Variants in ARHGAP5 observed in about 807,000 individuals in gnomAD.
ARHGAP5 encodes the protein rho GTPase-activating protein 5.
A neutral mutation model predicts 116.6 loss-of-function variants in ARHGAP5; 23 were observed. The ratio of observed to expected loss-of-function variants is 0.20; its 90% CI spans 0.14 to 0.28. The LOEUF is 0.28. Ranked by LOEUF, ARHGAP5 falls within the 10% of genes least tolerant of loss-of-function variation. ARHGAP5 has a pLI of 1.00. For synonymous variants in ARHGAP5, 574 were observed against 602.0 expected (o/e 0.95, Z 0.68); for missense variants, 1,405 against 1,774.8 (o/e 0.79, Z 3.74).
At chr14:32,120,047 T>G (rs1281888043) in intron 3 of ARHGAP5, among the ~76,000 whole-genome samples, 1 of 152,104 alleles carries the variant, frequency 6.6e-6, no homozygotes, top group Non-Finnish European at 1.5e-5. Flanking sequence ...TTTCTTTAAT[T>G]TTAGTAGAAT....
At chr14:32,140,094 GTTCTTTTTT>G (rs1881034885) in intron 3 of ARHGAP5, among the ~76,000 whole-genome samples, 1 of 32,450 alleles carries the variant, frequency 3.1e-5, no homozygotes, top group Non-Finnish European at 5.6e-5. Flanking sequence ...TAGGTTATTT[GTTCTTTTTT>G]TTTTTTTTTT....
chr14:32,103,411 C>T (rs1013223319), intron 2 of ARHGAP5, among the ~76,000 whole-genome samples: 64 of 152,104 alleles, frequency 4.2e-4, no homozygotes, highest in African/African-American at 1.4e-3. Context: ...CATACATTTT[C>T]GCTAATTTAA....
At chr14:32,119,741 C>T (rs772610902) in intron 3 of ARHGAP5, among the ~76,000 whole-genome samples, 50 of 152,092 alleles carry the variant, frequency 3.3e-4, no homozygotes, top group Non-Finnish European at 1.8e-4. Context: ...TGGTTTTCTG[C>T]ATCTGTTGAG....
At position 32,130,123 on chromosome 14, in the gene ARHGAP5, A is replaced by G. The variant is rs17091615; in HGVS notation, c.3865+12836A>G. On this transcript the variant is annotated intron_variant, in intron 3 of 6. Transcript: ENST00000345122. ...TGTAATAAAATATATATATATGACCACATATCTTAAGCAGCTTAAGTGATC... is the reference window on the plus strand; with the variant it reads ...TGTAATAAAATATATATATATGACCGCATATCTTAAGCAGCTTAAGTGATC... Among the ~76,000 whole-genome samples the G allele has an allele frequency of 8.8e-3, 1,337 of 151,332 alleles. 14 individuals are homozygous for G. Among genetic ancestry groups the G allele is most frequent in the African/African-American group, 0.03 (1,240 of 41,272 alleles).
chr14:32,096,183 G>C (rs935461056), intron 2 of ARHGAP5, among the ~76,000 whole-genome samples: 3 of 151,894 alleles, frequency 2.0e-5, no homozygotes, highest in Non-Finnish European at 4.4e-5. Flanking sequence ...GGAGATAGTG[G>C]ACTCTTTTTG....
intron 5 of ARHGAP5, among the ~76,000 whole-genome samples, chr14:32,151,385 G>A (rs1290572968): frequency 1.3e-5 from 2 of 152,200 alleles, no homozygotes; most frequent in African/African-American, 4.8e-5. Flanking sequence ...TTTCATAATT[G>A]CATAGATTTG....
intron 3 of ARHGAP5, among the ~76,000 whole-genome samples, chr14:32,143,230 G>GTTATTA (rs1410461691): frequency 1.3e-4 from 19 of 149,660 alleles, no homozygotes; most frequent in African/African-American, 4.8e-4. Context: ...TGTTGTTGTT[G>GTTATTA]TTGTTGTTGT....
chr14:32,082,057 C>A (rs948566233), intron 1 of ARHGAP5, among the ~76,000 whole-genome samples: 1 of 152,162 alleles, frequency 6.6e-6, no homozygotes, highest in African/African-American at 2.4e-5. Flanking sequence ...TCTTGATCCT[C>A]TGAGAATCTA....
Position 32,156,482 on chromosome 14 carries a change from T to C in ARHGAP5, c.*1534T>C, listed in dbSNP as rs1881898063. On this transcript the variant is annotated 3_prime_UTR_variant, in exon 7 of 7. Transcript: ENST00000345122. ...CAATTTTAACTTCAGAACCAAGATGTTGGCATGAACCAGGCTGCTGTTGAA... is the reference window on the plus strand; with the variant it reads ...CAATTTTAACTTCAGAACCAAGATGCTGGCATGAACCAGGCTGCTGTTGAA... The C allele has an allele frequency of 6.6e-6, 1 of 152,368 alleles. No homozygotes were observed. Among genetic ancestry groups the C allele is most frequent in the Non-Finnish European group, 1.5e-5 (1 of 67,812 alleles). 9.4% of individuals were successfully genotyped at this position (152,368 alleles called of 1,614,324 possible).
chr14:32,097,042 C>T (rs1878559076), intron 2 of ARHGAP5, among the ~76,000 whole-genome samples: 1 of 152,148 alleles, frequency 6.6e-6, no homozygotes, highest in Non-Finnish European at 1.5e-5. Flanking sequence ...AGTCTGCTTA[C>T]AATCATTGTT....
chr14:32,133,785 A>G (rs550825000), intron 3 of ARHGAP5, among the ~76,000 whole-genome samples: 1 of 152,306 alleles, frequency 6.6e-6, no homozygotes, highest in South Asian at 2.1e-4. Context: ...GAGAGTTTTT[A>G]GCATGAAGGG....
rs1881808941 is a variant in ARHGAP5 at position 32,154,642 on chromosome 14, C to T, written c.4203C>T (p.Ile1401=). 6.2e-7 allele frequency: 1 copy of T among 1,607,052 alleles called. No homozygotes were observed. Among genetic ancestry groups the T allele is most frequent in the African/African-American group, 1.3e-5 (1 of 74,756 alleles). The part of the protein sequence containing the change: ...HLNRVSQQHK[I]NLMTADNLSI... ...TCAGGGTTAGTCAGCAACATAAAAT[C>T]AACCTAATGACAGCAGACAACTTAT... Residue 1401 remains isoleucine, a synonymous_variant, in exon 7 of 7, where the codon ATC becomes ATT. Transcript: ENST00000345122.
At chr14:32,134,725 A>G (rs1880694389) in intron 3 of ARHGAP5, among the ~76,000 whole-genome samples, 1 of 152,252 alleles carries the variant, frequency 6.6e-6, no homozygotes, top group Non-Finnish European at 1.5e-5. Flanking sequence ...AAATAAAAAT[A>G]TCATCACAAT....
chr14:32,121,775 T>A (rs751556741), intron 3 of ARHGAP5, among the ~76,000 whole-genome samples: 4 of 152,196 alleles, frequency 2.6e-5, no homozygotes, highest in Non-Finnish European at 4.4e-5. Flanking sequence ...CACCCCCCCA[T>A]CAACTTTCTG....
intron 3 of ARHGAP5, among the ~76,000 whole-genome samples, chr14:32,137,723 A>G (rs1880881269): frequency 6.6e-6 from 1 of 152,140 alleles, no homozygotes; most frequent in Non-Finnish European, 1.5e-5. Context: ...CTGTAATCCC[A>G]GCACTCTGGG....
At chr14:32,079,323 A>G (rs533484969) in intron 1 of ARHGAP5, among the ~76,000 whole-genome samples, 74 of 152,318 alleles carry the variant, frequency 4.9e-4, no homozygotes, top group Middle Eastern at 3.4e-3. Context: ...GGTGGGTTAC[A>G]CTTTGATGTA....
chr14:32,118,234 C>T lies in ARHGAP5; in HGVS notation c.3865+947C>T, dbSNP rs140708180. ...TGAGAGGGTAGAATGTGCAGTGGCT[C>T]ATGCCTGTAATCCCAGCACTTTGGG... On this transcript the variant is annotated intron_variant, in intron 3 of 6. Transcript: ENST00000345122. 8.4e-3 allele frequency among the ~76,000 whole-genome samples: 1,272 copies of T among 152,272 alleles called. 11 individuals carry two copies. The highest frequency in any genetic ancestry group is 0.023 in the African/African-American group (950 of 41,566).
chr14:32,142,511 G>A (rs185988809), intron 3 of ARHGAP5, among the ~76,000 whole-genome samples: 4 of 152,112 alleles, frequency 2.6e-5, no homozygotes, highest in African/African-American at 4.8e-5. Context: ...TTCACTTTGC[G>A]GTGATTTGTT....
Position 32,093,688 on chromosome 14 carries a change from C to A in ARHGAP5, c.3019C>A (p.Arg1007Ser), listed in dbSNP as rs778571310. The stretch of plus-strand genomic sequence containing the variant: ...ACAGTTGCTTCCAACACCTAGTGAC[C>A]GTTCCAGATATAGATTAGATTTGGA... ...DVQLLPTPSD[R>S]SRYRLDLEGN... Residue 1007 changes from arginine (R) to serine (S), a missense_variant, in exon 2 of 7, where the codon CGT becomes AGT. Physicochemically the swap from Arg to Ser is moderately radical, Grantham distance 110. This residue lies in a region of ARHGAP5 where 944 missense variants were observed against 1,095.3 expected (regional missense o/e 0.86). Coordinates refer to ENST00000345122, the MANE Select transcript of ARHGAP5 (RefSeq NM_001030055.2). 1.2e-6 allele frequency: 2 copies of A among 1,613,998 alleles called. No individual in the cohort carries two copies. Among genetic ancestry groups the A allele is most frequent in the East Asian group, 2.2e-5 (1 of 44,888 alleles).
Sources: gnomAD v4.1 joint callset for allele counts (sites outside exome capture counted in the v4.1 genomes callset) on GRCh38, gnomAD v4.1.1 for gene constraint, gnomAD v4.1.1 regional missense constraint, MANE v1.5 for transcripts, NCBI Gene and HGNC (gene_info 2026-07-23, HGNC 2026-07-21) for gene names.